The following SOD2 variants were observed in gnomAD, a reference collection of about 807,000 sequenced individuals.
The protein encoded by SOD2 is superoxide dismutase [Mn], mitochondrial.
A neutral mutation model predicts 27.0 loss-of-function variants in SOD2; 11 were observed. That is an observed-to-expected ratio of 0.41 (90% CI 0.26 to 0.67). The LOEUF (loss-of-function observed/expected upper bound fraction) is 0.67. SOD2 is among the 30% of genes least tolerant of loss of function. The pLI is 0.34. For missense variants in SOD2, 250 were observed against 274.5 expected (o/e 0.91, Z 0.63); for synonymous variants, 105 against 103.0 (o/e 1.02, Z -0.12).
chr6:159,757,441 C>T (rs559243620), intron 1 of SOD2, among the ~76,000 whole-genome samples: 5 of 144,536 alleles, frequency 3.5e-5, no homozygotes, highest in Non-Finnish European at 7.5e-5. Flanking sequence ...TGCCGAGAGT[C>T]TCGCTCTGCC....
chr6:159,733,215 T>C (rs1171956529), intron 1 of SOD2, among the ~76,000 whole-genome samples: 1 of 152,230 alleles, frequency 6.6e-6, no homozygotes, highest in African/African-American at 2.4e-5. Context: ...TAATATGGTT[T>C]ATGTCTTCAT....
At chr6:159,719,022 G>GTT (rs112652349) in intron 1 of SOD2, among the ~76,000 whole-genome samples, 1 of 149,324 alleles carries the variant, frequency 6.7e-6, no homozygotes, top group African/African-American at 2.5e-5. Context: ...TAGACTTACT[G>GTT]TTTTTTTTTT....
chr6:159,762,102 A>G (rs760112731), exon 1 of SOD2: 1 of 1,613,256 alleles, frequency 6.2e-7, no homozygotes, highest in Non-Finnish European at 8.5e-7. Flanking sequence ...ATGCAGGCTC[A>G]GATCCTGTGG....
chr6:159,705,188 G>C (rs200176852), intron 1 of SOD2, among the ~76,000 whole-genome samples: 1 of 152,188 alleles, frequency 6.6e-6, no homozygotes, highest in Non-Finnish European at 1.5e-5. Context: ...GAGCAGAAAA[G>C]CTGAAAATTC....
Position 159,674,725 on chromosome 6 carries a change from T to C in SOD2, c.*7768A>G, listed in dbSNP as rs1311340178. The C allele has an allele frequency of 6.6e-6, 1 of 152,162 alleles. No individual in the cohort carries two copies. The highest frequency in any genetic ancestry group is 1.5e-5 in the Non-Finnish European group (1 of 68,032). 9.4% of individuals were successfully genotyped at this position (152,162 alleles called of 1,614,324 possible). A position where few individuals can be genotyped will look rare whatever the true frequency, so the allele number is the denominator to read the frequency against. On this transcript the variant is annotated 3_prime_UTR_variant, in exon 5 of 5. Coordinates refer to ENST00000538183, the MANE Select transcript of SOD2 (RefSeq NM_000636.4). ...CCTCTCTCACCACTCCTATTCAACATAGTGTTGGAAGTTCTGGCCAGGGCC... is the reference window on the plus strand; with the variant it reads ...CCTCTCTCACCACTCCTATTCAACACAGTGTTGGAAGTTCTGGCCAGGGCC...
At chr6:159,705,119 G>C (rs965788563) in intron 1 of SOD2, among the ~76,000 whole-genome samples, 1 of 152,202 alleles carries the variant, frequency 6.6e-6, no homozygotes, top group Non-Finnish European at 1.5e-5. Flanking sequence ...AACCCTACCT[G>C]TACGTCACCG....
upstream of SOD2, among the ~76,000 whole-genome samples, chr6:159,696,337 C>T (rs759503870): frequency 5.3e-5 from 8 of 152,040 alleles, no homozygotes; most frequent in East Asian, 1.9e-4. Context: ...TTTTTCTTTC[C>T]GAATCAAGAG....
rs201432529 is a variant in SOD2 at position 159,718,706 on chromosome 6, T to G, written c.-116+8423A>C. Among the ~76,000 whole-genome samples the G allele has an allele frequency of 7.9e-5, 12 of 152,344 alleles. No individual in the cohort carries two copies. In the East Asian group the frequency reaches 2.3e-3, roughly 29 times the overall value. On this transcript the variant is annotated intron_variant, in intron 1 of 2. Coordinates refer to the SOD2 transcript ENST00000401980. ...GAAAAGTAGGCTAGGAAGTTTGGTT[T>G]GGCTTCCCTATCTGTAAAACCACAA...
chr6:159,762,247 G>T (rs1396286725), exon 1 of SOD2: 4 of 1,406,128 alleles, frequency 2.8e-6, no homozygotes, highest in African/African-American at 2.9e-5. Context: ...GGAGGAAGCC[G>T]GTCAGGCCAA....
intron 3 of SOD2, among the ~76,000 whole-genome samples, chr6:159,686,723 A>G (rs1009959298): frequency 1.3e-5 from 2 of 152,180 alleles, no homozygotes; most frequent in Non-Finnish European, 2.9e-5. Flanking sequence ...CTCATTCATC[A>G]TTACCTTAAA....
intron 1 of SOD2, chr6:159,713,654 C>A (rs1341918090): frequency 2.0e-6 from 2 of 993,026 alleles, no homozygotes; most frequent in Non-Finnish European, 3.2e-6. Context: ...GTCCTCTAAG[C>A]CAGACGAAGC....
intron 1 of SOD2, among the ~76,000 whole-genome samples, chr6:159,732,612 A>G (rs1215136096): frequency 6.6e-6 from 1 of 152,170 alleles, no homozygotes; most frequent in Non-Finnish European, 1.5e-5. Flanking sequence ...AAGCAGGTGG[A>G]TTACCTGAGG....
At chr6:159,755,333 T>C (rs755139888) in intron 1 of SOD2, 5 of 1,614,186 alleles carry the variant, frequency 3.1e-6, no homozygotes, top group Admixed American at 1.7e-5. Flanking sequence ...TGACTTTCCT[T>C]CTTCTCCAGG....
chr6:159,755,790 T>TTTTTTTTTTTTTTTTTTTTTTTTTTTG (rs1779991801), intron 1 of SOD2: 4 of 848,086 alleles, frequency 4.7e-6, no homozygotes, highest in Non-Finnish European at 3.1e-6. Flanking sequence ...TTTTTTTTTT[T>TTTTTTTTTTTTTTTTTTTTTTTTTTTG]GCTTCAATAC....
At chr6:159,726,950 T>A (rs1266132415) in intron 1 of SOD2, 3 of 1,287,754 alleles carry the variant, frequency 2.3e-6, no homozygotes, top group Non-Finnish European at 3.0e-6. Context: ...GCATCACGGA[T>A]GAGCGTCACG....
chr6:159,727,816 G>C (rs917306660), upstream of SOD2: 71 of 734,596 alleles, frequency 9.7e-5, 3 homozygotes, highest in Admixed American at 4.3e-3. Flanking sequence ...AGGCCACACG[G>C]GCCTGGTGCG....
intron 3 of SOD2, 70 bp from the exon 4 acceptor site, chr6:159,685,103 T>A: frequency 9.1e-7 from 1 of 1,096,418 alleles, no homozygotes; most frequent in Non-Finnish European, 1.2e-6. Context: ...AATGTTATAT[T>A]ACATGTATTA....
In SOD2 at chr6:159,713,633, G is replaced by A. The variant is rs1777871587; in HGVS notation, c.-116+13496C>T. On this transcript the variant is annotated intron_variant, in intron 1 of 2. Coordinates refer to the SOD2 transcript ENST00000401980. ...AAATGAACAATCTCTTCCTTGGACA[G>A]CCAAATGGAAGTCCTCTAAGCCAGA... is the stretch of plus-strand genomic sequence containing the variant. 1.6e-5 allele frequency: 16 copies of A among 1,031,832 alleles called. No homozygotes were observed. The Admixed American group carries it at 2.4e-4, about 15-fold the overall frequency. The allele number at this position is 1,031,832 out of a possible 1,614,324, so 63.9% of individuals were successfully genotyped here.
intron 1 of SOD2, among the ~76,000 whole-genome samples, chr6:159,707,272 G>A (rs1030553149): frequency 2.6e-5 from 4 of 152,082 alleles, no homozygotes; most frequent in African/African-American, 9.7e-5. Flanking sequence ...TAAGATCAGA[G>A]CAGAACTGAA....
Sources: allele counts gnomAD v4.1 joint callset (sites outside exome capture counted in the v4.1 genomes callset), GRCh38; gene constraint gnomAD v4.1.1; transcripts MANE v1.5; gene names NCBI Gene and HGNC (gene_info 2026-07-23, HGNC 2026-07-21).